The following UBTD1 variants were observed in gnomAD, a reference collection of about 807,000 sequenced individuals.
UBTD1 encodes the protein ubiquitin domain containing 1.
Under a neutral mutation model 21.7 loss-of-function variants are expected in UBTD1, and 19 were observed. The observed-to-expected ratio is 0.87, with a 90% confidence interval of 0.61 to 1.28. UBTD1 has a LOEUF of 1.28. Ranked by LOEUF, UBTD1 falls within the 50% of genes most tolerant of loss-of-function variation. UBTD1 has a pLI of 0.00. For missense variants in UBTD1, 282 were observed against 315.1 expected (o/e 0.89, Z 0.80); for synonymous variants, 116 against 135.1 (o/e 0.86, Z 0.98).
At chr10:97,549,165 G>A (rs2040624919) in intron 1 of UBTD1, among the ~76,000 whole-genome samples, 1 of 152,222 alleles carries the variant, frequency 6.6e-6, no homozygotes, top group Non-Finnish European at 1.5e-5. Flanking sequence ...TCTCTCTCAT[G>A]GCCACAGAGG....
rs561576918 is a variant in UBTD1, at chr10:97,552,199, T to TA, written c.71-15701dup. ...GGGCAACATGGCGAGACCCCATCTC[T>TA]AAAAAAAAAAAAAATTTTTTTTAAA... On this transcript the variant is annotated intron_variant, in intron 1 of 2. Transcript: ENST00000370664. Among the ~76,000 whole-genome samples, 610 of 142,032 alleles carry TA rather than the reference T, an allele frequency of 4.3e-3. 3 individuals carry two copies. The highest frequency in any genetic ancestry group is 0.025 in the Middle Eastern group (7 of 282). The allele number at this position is 142,032 out of a possible 152,430, so 93.2% of individuals were successfully genotyped here.
intron 1 of UBTD1, among the ~76,000 whole-genome samples, chr10:97,552,212 AAT>A (rs555890482): frequency 5.3e-5 from 8 of 151,256 alleles, no homozygotes; most frequent in Admixed American, 2.6e-4. Context: ...AAAAAAAAAA[AAT>A]TTTTTTTAAA....
intron 1 of UBTD1, among the ~76,000 whole-genome samples, chr10:97,537,148 C>T (rs759978654): frequency 3.4e-4 from 52 of 152,130 alleles, no homozygotes; most frequent in Non-Finnish European, 6.6e-4. Context: ...CTCATTTTCT[C>T]AGCCCCTTGA....
At position 97,568,051 on chromosome 10, in the gene UBTD1, G is replaced by T; in HGVS notation, c.208G>T (p.Ala70Ser). 2 of 1,613,858 alleles carry T rather than the reference G, an allele frequency of 1.2e-6. No homozygotes were observed. The highest frequency in any genetic ancestry group is 1.7e-6 in the Non-Finnish European group (2 of 1,180,036). The stretch of plus-strand genomic sequence containing the variant: ...CGAGGGCCGCAAGGAGATCTGGGAT[G>T]CCCTCAAGGCTGCCGCCTATGCTGC... ...AFEGRKEIWDALKAAAYAAEA... is the reference protein window; with the variant it reads ...AFEGRKEIWDSLKAAAYAAEA... Residue 70 changes from alanine to serine, a missense_variant, in exon 2 of 3, where the codon GCC becomes TCC. Physicochemically the swap from Ala to Ser is moderately conservative, Grantham distance 99. Transcript: ENST00000370664.
At chr10:97,568,218 G>A in intron 2 of UBTD1, 77 bp downstream of exon 2, 4 of 1,491,084 alleles carry the variant, frequency 2.7e-6, no homozygotes, top group Non-Finnish European at 3.7e-6. Flanking sequence ...GTTGAGGAGT[G>A]TGGAGCGGTG....
chr10:97,553,216 C>G (rs1238636507), intron 1 of UBTD1, among the ~76,000 whole-genome samples: 1 of 152,220 alleles, frequency 6.6e-6, no homozygotes, highest in Non-Finnish European at 1.5e-5. Context: ...ACTGCAACCT[C>G]CATCTCCCGG....
At chr10:97,553,968 C>T (rs769823009) in intron 1 of UBTD1, among the ~76,000 whole-genome samples, 8 of 152,108 alleles carry the variant, frequency 5.3e-5, no homozygotes, top group South Asian at 4.1e-4. Flanking sequence ...TGTTGTGTAG[C>T]GGGGAGGGGA....
chr10:97,513,622 A>G (rs1202738012), intron 1 of UBTD1, among the ~76,000 whole-genome samples: 1 of 152,212 alleles, frequency 6.6e-6, no homozygotes, highest in Non-Finnish European at 1.5e-5. Flanking sequence ...GTGCTCATGT[A>G]AAAAATGTGA....
chr10:97,553,827 G>C (rs920529895), intron 1 of UBTD1, among the ~76,000 whole-genome samples: 3 of 152,212 alleles, frequency 2.0e-5, no homozygotes, highest in Non-Finnish European at 4.4e-5. Flanking sequence ...TACCTGGAGG[G>C]TGAGGAGTTT....
chr10:97,523,707 G>A (rs932473857), intron 1 of UBTD1, among the ~76,000 whole-genome samples: 1 of 152,010 alleles, frequency 6.6e-6, no homozygotes, highest in Non-Finnish European at 1.5e-5. Flanking sequence ...GGATGGGGGC[G>A]GTATTTTTCC....
chr10:97,542,905 C>T (rs116074960), intron 1 of UBTD1, among the ~76,000 whole-genome samples: 2,596 of 152,388 alleles, frequency 0.017, 79 homozygotes, highest in African/African-American at 0.059. Flanking sequence ...AGCCAGCCAG[C>T]TGGGCAGCCT....
At chr10:97,502,298 T>A (rs2040379757) in intron 1 of UBTD1, among the ~76,000 whole-genome samples, 1 of 152,184 alleles carries the variant, frequency 6.6e-6, no homozygotes, top group Non-Finnish European at 1.5e-5. Context: ...GATGACAAAT[T>A]TGGTACAAGG....
chr10:97,560,483 T>G (rs1297003636), intron 1 of UBTD1, among the ~76,000 whole-genome samples: 1 of 152,200 alleles, frequency 6.6e-6, no homozygotes, highest in Non-Finnish European at 1.5e-5. Flanking sequence ...CTCTGCCAGC[T>G]GCTTATGCTG....
chr10:97,527,634 T>G (rs1481761016), intron 1 of UBTD1, among the ~76,000 whole-genome samples: 2 of 152,048 alleles, frequency 1.3e-5, no homozygotes, highest in Non-Finnish European at 2.9e-5. Context: ...GTACTTGAGA[T>G]TAGGGAGTGG....
At chr10:97,524,287 G>A (rs925718858) in intron 1 of UBTD1, among the ~76,000 whole-genome samples, 8 of 87,500 alleles carry the variant, frequency 9.1e-5, no homozygotes, top group African/African-American at 2.3e-4. Context: ...GTAGGGATGC[G>A]GGGGGGTCTC....
chr10:97,537,856 C>T (rs986616572), intron 1 of UBTD1, among the ~76,000 whole-genome samples: 1 of 137,808 alleles, frequency 7.3e-6, no homozygotes, highest in Admixed American at 7.8e-5. Flanking sequence ...GACAGGGTCT[C>T]TCTCTGTCAT....
intron 1 of UBTD1, among the ~76,000 whole-genome samples, chr10:97,505,692 T>G (rs1464731777): frequency 6.6e-6 from 1 of 152,226 alleles, no homozygotes; most frequent in Non-Finnish European, 1.5e-5. Flanking sequence ...CCTCTTGATC[T>G]CTTTGAGCCT....
chr10:97,526,291 C>G (rs1218571423), intron 1 of UBTD1, among the ~76,000 whole-genome samples: 3 of 152,220 alleles, frequency 2.0e-5, no homozygotes, highest in Admixed American at 2.0e-4. Flanking sequence ...TATCCCTGCT[C>G]TTTGACCTAG....
At chr10:97,543,011 A>C (rs1049969155) in intron 1 of UBTD1, among the ~76,000 whole-genome samples, 2 of 152,246 alleles carry the variant, frequency 1.3e-5, no homozygotes, top group African/African-American at 4.8e-5. Context: ...AGAGCAAGTA[A>C]GTCAGAATCC....
Sources: gnomAD v4.1 joint callset for allele counts (sites outside exome capture counted in the v4.1 genomes callset) on GRCh38, gnomAD v4.1.1 for gene constraint, MANE v1.5 for transcripts, NCBI Gene and HGNC (gene_info 2026-07-23, HGNC 2026-07-21) for gene names.